ACOXL: variants seen among roughly 807,000 people sequenced by gnomAD.
The protein encoded by ACOXL is acyl-CoA oxidase like, also known as acyl-coenzyme A oxidase-like protein.
ACOXL carries 70 observed loss-of-function variants against 71.9 expected under a neutral mutation model. The ratio of observed to expected loss-of-function variants is 0.97; its 90% CI spans 0.80 to 1.19. ACOXL has a LOEUF of 1.19. ACOXL is among the 50% of genes most tolerant of loss of function. ACOXL has a pLI of 0.00. For missense variants in ACOXL, 703 were observed against 736.3 expected (o/e 0.95, Z 0.52); for synonymous variants, 253 against 281.6 (o/e 0.90, Z 1.02).
chr2:111,025,702 G>T (rs910051707), intron 14 of ACOXL, among the ~76,000 whole-genome samples: 2 of 152,152 alleles, frequency 1.3e-5, no homozygotes, highest in East Asian at 1.9e-4. Context: ...ATTCTGTACA[G>T]AAATCCTTTA....
At chr2:111,054,266 G>A (rs1373046538) in intron 16 of ACOXL, among the ~76,000 whole-genome samples, 4 of 152,184 alleles carry the variant, frequency 2.6e-5, no homozygotes, top group South Asian at 2.1e-4. Context: ...CTGCTCCTAA[G>A]TTGCAACCTT....
intron 1 of ACOXL, among the ~76,000 whole-genome samples, chr2:110,758,350 C>T: frequency 6.6e-6 from 1 of 151,956 alleles, no homozygotes; most frequent in East Asian, 1.9e-4. Flanking sequence ...TGTTCTTTTT[C>T]CTTAGGATTG....
chr2:111,087,639 C>T (rs1207146640), intron 16 of ACOXL, among the ~76,000 whole-genome samples: 1 of 152,190 alleles, frequency 6.6e-6, no homozygotes, highest in Non-Finnish European at 1.5e-5. Context: ...CCCTTCCTTA[C>T]ACCATATACA....
At chr2:110,887,082 T>C (rs1421531498) in intron 10 of ACOXL, 5 of 450,974 alleles carry the variant, frequency 1.1e-5, no homozygotes, top group Non-Finnish European at 2.0e-5. Context: ...GCAGATGGCC[T>C]GTCTCTGCCT....
chr2:110,979,641 G>A (rs1380453521), intron 12 of ACOXL, among the ~76,000 whole-genome samples: 2 of 152,126 alleles, frequency 1.3e-5, no homozygotes, highest in Non-Finnish European at 2.9e-5. Flanking sequence ...TGCGGGGCAG[G>A]GGTACCCTCC....
intron 1 of ACOXL, among the ~76,000 whole-genome samples, chr2:110,763,796 T>C (rs1037866846): frequency 1.3e-5 from 2 of 152,180 alleles, no homozygotes; most frequent in Non-Finnish European, 2.9e-5. Flanking sequence ...TAGACACGTC[T>C]AATATAAGAC....
intron 2 of ACOXL, among the ~76,000 whole-genome samples, chr2:110,770,228 G>A (rs1319629848): frequency 6.6e-6 from 1 of 152,186 alleles, no homozygotes; most frequent in African/African-American, 2.4e-5. Context: ...ACTGAGGGAT[G>A]GAGTCCTCCC....
intron 11 of ACOXL, among the ~76,000 whole-genome samples, chr2:110,914,746 G>C (rs998596399): frequency 6.6e-6 from 1 of 152,130 alleles, no homozygotes; most frequent in Non-Finnish European, 1.5e-5. Flanking sequence ...ATCCTATATT[G>C]TTCTTGACTT....
At chr2:110,867,152 A>G (rs964653579) in intron 10 of ACOXL, among the ~76,000 whole-genome samples, 2 of 152,082 alleles carry the variant, frequency 1.3e-5, no homozygotes, top group African/African-American at 2.4e-5. Context: ...GCGACTGGAG[A>G]ATAAGGCCCT....
At chr2:110,756,972 G>C (rs1679786076) in intron 1 of ACOXL, among the ~76,000 whole-genome samples, 1 of 152,022 alleles carries the variant, frequency 6.6e-6, no homozygotes, top group Non-Finnish European at 1.5e-5. Flanking sequence ...GGGCCGTGGT[G>C]GTTTGCTGTA....
chr2:111,032,342 C>T (rs370809131), intron 15 of ACOXL, among the ~76,000 whole-genome samples: 9 of 152,066 alleles, frequency 5.9e-5, no homozygotes, highest in African/African-American at 9.7e-5. Context: ...GGGCACAGAC[C>T]GCTCCCCTGC....
intron 10 of ACOXL, among the ~76,000 whole-genome samples, chr2:110,860,090 G>A (rs1456427869): frequency 6.6e-6 from 1 of 152,128 alleles, no homozygotes; most frequent in African/African-American, 2.4e-5. Flanking sequence ...TGTGTGTGCT[G>A]TGGGGTTGTC....
intron 14 of ACOXL, among the ~76,000 whole-genome samples, chr2:111,007,247 G>GTAT (rs2063921428): frequency 6.6e-6 from 1 of 152,154 alleles, no homozygotes; most frequent in Admixed American, 6.5e-5. Flanking sequence ...ATTTGAATAT[G>GTAT]CAGATACCCT....
chr2:110,991,735 G>A (rs2063183454), intron 13 of ACOXL, among the ~76,000 whole-genome samples: 1 of 151,796 alleles, frequency 6.6e-6, no homozygotes, highest in South Asian at 2.1e-4. Flanking sequence ...TCAAACTGTG[G>A]TCCATCTTAA....
At chr2:110,973,524 C>T (rs903551112) in intron 12 of ACOXL, among the ~76,000 whole-genome samples, 1 of 152,182 alleles carries the variant, frequency 6.6e-6, no homozygotes, top group Non-Finnish European at 1.5e-5. Context: ...CCTCAGCAGA[C>T]ACTGAATCTA....
intron 2 of ACOXL, among the ~76,000 whole-genome samples, chr2:110,768,869 A>G (rs1042337968): frequency 5.3e-5 from 8 of 149,598 alleles, no homozygotes; most frequent in African/African-American, 2.0e-4. Context: ...TGACTTGCTA[A>G]GCCTGTTGAT....
rs144973591 is a variant in ACOXL at position 111,031,692 on chromosome 2, G to T, written c.1347G>T (p.Leu449=). 7.4e-6 allele frequency: 12 copies of T among 1,614,116 alleles called. No individual in the cohort carries two copies. In the Admixed American group the frequency reaches 1.8e-4, roughly 25 times the overall value. ...CGTGTCTGCACCACGTGGCTTCTCT[G>T]TCCCTGGCACACACTCACCGAGGTC... The part of the protein sequence containing the change: ...WNSCLHHVAS[L]SLAHTHRVTL... The change falls in exon 15 of 18, where the codon CTG becomes CTT. Residue 449 remains leucine, a synonymous_variant. Transcript: ENST00000439055.
chr2:110,988,330 G>T (rs932322905), intron 13 of ACOXL, among the ~76,000 whole-genome samples: 1 of 152,022 alleles, frequency 6.6e-6, no homozygotes, highest in Non-Finnish European at 1.5e-5. Flanking sequence ...GGTCCCAGCT[G>T]CTTGGGAGGC....
chr2:110,804,868 TC>T (rs1686437616), intron 8 of ACOXL, among the ~76,000 whole-genome samples: 2 of 152,156 alleles, frequency 1.3e-5, no homozygotes. Context: ...GGGTGGGGTT[TC>T]TTTTTGGGGT....
Sources: allele counts gnomAD v4.1 joint callset (sites outside exome capture counted in the v4.1 genomes callset), GRCh38; gene constraint gnomAD v4.1.1; transcripts MANE v1.5; gene names NCBI Gene and HGNC (gene_info 2026-07-23, HGNC 2026-07-21).